The following TAFA1 variants were observed in gnomAD, a reference collection of about 807,000 sequenced individuals.
TAFA1 encodes chemokine-like protein TAFA-1.
A neutral mutation model predicts 18.5 loss-of-function variants in TAFA1; 4 were observed. The observed-to-expected ratio is 0.22, with a 90% CI of 0.11 to 0.49. The LOEUF is 0.49. Among genes scored for constraint, TAFA1 ranks in the 20% least tolerant of loss-of-function variants. TAFA1 has a pLI of 0.98. For synonymous variants in TAFA1, 56 were observed against 55.2 expected, an observed-to-expected ratio of 1.01 and a Z score of -0.06; for missense variants, 147 against 169.0, an observed-to-expected ratio of 0.87 and a Z score of 0.72.
At chr3:68,420,919 C>T (rs1297348700) in intron 3 of TAFA1, among the ~76,000 whole-genome samples, 1 of 152,172 alleles carries the variant, frequency 6.6e-6, no homozygotes, top group Non-Finnish European at 1.5e-5. Flanking sequence ...AAAGAAGAAA[C>T]TCTTGGCCCT....
chr3:68,493,709 T>G (rs533176991), intron 3 of TAFA1, among the ~76,000 whole-genome samples: 1 of 152,316 alleles, frequency 6.6e-6, no homozygotes, highest in African/African-American at 2.4e-5. Flanking sequence ...TTTAAACAAA[T>G]AGCTTAGGTG....
chr3:68,448,243 T>C (rs1429519448), intron 3 of TAFA1, among the ~76,000 whole-genome samples: 1 of 152,192 alleles, frequency 6.6e-6, no homozygotes, highest in Non-Finnish European at 1.5e-5. Context: ...GGATAATGTT[T>C]TTGAATGCAT....
intron 2 of TAFA1, among the ~76,000 whole-genome samples, chr3:68,120,022 A>T (rs2065369533): frequency 6.6e-6 from 1 of 152,210 alleles, no homozygotes; most frequent in African/African-American, 2.4e-5. Context: ...CTTTAAGAGA[A>T]CTATGAAATC....
intron 2 of TAFA1, among the ~76,000 whole-genome samples, chr3:68,362,073 A>G (rs920204597): frequency 6.6e-6 from 1 of 152,158 alleles, no homozygotes; most frequent in Non-Finnish European, 1.5e-5. Flanking sequence ...TGGAGAATCA[A>G]GCAATAAGGT....
At chr3:68,342,477 A>C (rs890234491) in intron 2 of TAFA1, among the ~76,000 whole-genome samples, 5 of 152,220 alleles carry the variant, frequency 3.3e-5, no homozygotes, top group African/African-American at 9.6e-5. Flanking sequence ...CCATTCAAAT[A>C]CGTCTTTCTC....
intron 2 of TAFA1, among the ~76,000 whole-genome samples, chr3:68,186,370 C>A (rs959567310): frequency 6.6e-6 from 1 of 151,998 alleles, no homozygotes; most frequent in African/African-American, 2.4e-5. Context: ...AAAATGCCTC[C>A]GAGTTCCCAA....
chr3:68,416,048 C>T (rs2106793547), intron 2 of TAFA1, among the ~76,000 whole-genome samples: 1 of 152,258 alleles, frequency 6.6e-6, no homozygotes, highest in East Asian at 1.9e-4. Context: ...TGCTTCCTAC[C>T]TGAAAGATGC....
At chr3:68,121,239 A>ATGT (rs58794226) in intron 2 of TAFA1, among the ~76,000 whole-genome samples, 141,285 of 151,756 alleles carry the variant, frequency 0.93, 65,809 homozygotes, top group South Asian at 0.97. Flanking sequence ...GACTTCTCAA[A>ATGT]TGTACATTAA....
intron 2 of TAFA1, among the ~76,000 whole-genome samples, chr3:68,044,428 G>GA (rs1416802321): frequency 6.6e-6 from 1 of 151,978 alleles, no homozygotes; most frequent in East Asian, 1.9e-4. Context: ...GTTTTGCTCA[G>GA]AAAAAAATCT....
chr3:68,032,268 G>A (rs1230566134), intron 2 of TAFA1, among the ~76,000 whole-genome samples: 1 of 152,152 alleles, frequency 6.6e-6, no homozygotes, highest in East Asian at 1.9e-4. Flanking sequence ...GTGTACTAAA[G>A]TATGGAGAAG....
At chr3:68,158,506 T>C (rs1457180325) in intron 2 of TAFA1, among the ~76,000 whole-genome samples, 3 of 151,736 alleles carry the variant, frequency 2.0e-5, no homozygotes, top group Non-Finnish European at 2.9e-5. Context: ...ATTTTTCGTG[T>C]CAGCTTGGAG....
chr3:68,458,921 G>T (rs1253236276), intron 3 of TAFA1, among the ~76,000 whole-genome samples: 1 of 152,144 alleles, frequency 6.6e-6, no homozygotes, highest in Non-Finnish European at 1.5e-5. Flanking sequence ...CTTTCGGGAG[G>T]TTTATTGAGT....
At chr3:68,378,430 G>C (rs2069863046) in intron 2 of TAFA1, among the ~76,000 whole-genome samples, 1 of 152,136 alleles carries the variant, frequency 6.6e-6, no homozygotes, top group East Asian at 1.9e-4. Flanking sequence ...TTTACCCAAT[G>C]CCTGTAACCA....
chr3:68,480,465 T>C (rs985176930), intron 3 of TAFA1, among the ~76,000 whole-genome samples: 2 of 152,016 alleles, frequency 1.3e-5, no homozygotes, highest in African/African-American at 4.8e-5. Context: ...ACCAACTGAG[T>C]CAGAAAGTCG....
intron 2 of TAFA1, among the ~76,000 whole-genome samples, chr3:68,299,148 C>T (rs1456943305): frequency 6.6e-6 from 1 of 152,160 alleles, no homozygotes; most frequent in African/African-American, 2.4e-5. Flanking sequence ...CAAAGTTCCA[C>T]ATGTCCAGGA....
At chr3:68,411,260 T>G (rs945041600) in intron 2 of TAFA1, among the ~76,000 whole-genome samples, 2 of 152,130 alleles carry the variant, frequency 1.3e-5, no homozygotes, top group African/African-American at 4.8e-5. Flanking sequence ...AGCCAAAAAG[T>G]AAAAAACACA....
At chr3:68,540,257 G>A (rs964404259) in intron 4 of TAFA1, among the ~76,000 whole-genome samples, 8 of 151,786 alleles carry the variant, frequency 5.3e-5, no homozygotes, top group Non-Finnish European at 1.5e-5. Flanking sequence ...TTTCCGGCTT[G>A]CGACCAGGAG....
intron 2 of TAFA1, among the ~76,000 whole-genome samples, chr3:68,024,375 A>G (rs1559706872): frequency 1.3e-5 from 2 of 152,246 alleles, no homozygotes; most frequent in Admixed American, 1.3e-4. Flanking sequence ...ACTTATTTTC[A>G]AACCCTACGA....
intron 3 of TAFA1, among the ~76,000 whole-genome samples, chr3:68,433,607 C>T (rs1431667697): frequency 6.6e-6 from 1 of 152,096 alleles, no homozygotes; most frequent in East Asian, 1.9e-4. Flanking sequence ...ATGACTGGTA[C>T]AGATGCTCAA....
Sources: gnomAD v4.1 joint callset for allele counts (sites outside exome capture counted in the v4.1 genomes callset) on GRCh38, gnomAD v4.1.1 for gene constraint, MANE v1.5 for transcripts, NCBI Gene and HGNC (gene_info 2026-07-23, HGNC 2026-07-21) for gene names.